NTRK3: variants seen among roughly 807,000 people sequenced by gnomAD.
NTRK3 encodes NT-3 growth factor receptor.
A neutral mutation model predicts 91.7 loss-of-function variants in NTRK3; 24 were observed. That is an observed-to-expected ratio of 0.26 (90% CI 0.19 to 0.37). NTRK3 has a LOEUF of 0.37. Among genes scored for constraint, NTRK3 ranks in the 10% least tolerant of loss-of-function variants. NTRK3 has a pLI of 1.00. For missense variants in NTRK3, 880 were observed against 1,068.9 expected, an observed-to-expected ratio of 0.82 and a Z score of 2.46; for synonymous variants, 483 against 404.0, an observed-to-expected ratio of 1.20 and a Z score of -2.34.
At chr15:88,050,625 T>C (rs2080740233) in intron 13 of NTRK3, among the ~76,000 whole-genome samples, 1 of 152,198 alleles carries the variant, frequency 6.6e-6, no homozygotes, top group Admixed American at 6.5e-5. Flanking sequence ...GATCAGGCTA[T>C]GCTTTCCTGT....
At chr15:88,061,869 T>C (rs1298931606) in intron 13 of NTRK3, among the ~76,000 whole-genome samples, 1 of 152,188 alleles carries the variant, frequency 6.6e-6, no homozygotes, top group Non-Finnish European at 1.5e-5. Flanking sequence ...TGGCCTCAGT[T>C]TCCTTTCTGA....
exon 19 of NTRK3, chr15:87,876,363 C>G (rs1342459836): frequency 8.7e-6 from 2 of 230,044 alleles, no homozygotes; most frequent in Non-Finnish European, 1.7e-5. Flanking sequence ...GGACCCTGCT[C>G]AGGCATCATT....
chr15:88,189,887 G>T (rs1488084099), intron 3 of NTRK3, among the ~76,000 whole-genome samples: 2 of 152,180 alleles, frequency 1.3e-5, no homozygotes, highest in Non-Finnish European at 2.9e-5. Flanking sequence ...AATATGTCAT[G>T]TGGATATGTT....
intron 3 of NTRK3, among the ~76,000 whole-genome samples, chr15:88,246,074 C>G (rs2052788128): frequency 6.6e-6 from 1 of 152,188 alleles, no homozygotes; most frequent in South Asian, 2.1e-4. Flanking sequence ...GGCCCCAGAC[C>G]AGAGAGCTCC....
At chr15:88,114,299 T>TA (rs752539229) in intron 13 of NTRK3, among the ~76,000 whole-genome samples, 36 of 152,010 alleles carry the variant, frequency 2.4e-4, no homozygotes, top group Admixed American at 1.2e-3. Flanking sequence ...AAAGATGAAA[T>TA]TAAAAAAATC....
At chr15:88,107,067 T>C (rs1489720300) in intron 13 of NTRK3, among the ~76,000 whole-genome samples, 2 of 152,090 alleles carry the variant, frequency 1.3e-5, no homozygotes, top group Non-Finnish European at 2.9e-5. Flanking sequence ...ACAGTGGTCA[T>C]TTCTGAATAA....
At chr15:88,131,895 G>A (rs2041391051) in intron 10 of NTRK3, 1 of 191,328 alleles carries the variant, frequency 5.2e-6, no homozygotes. Context: ...CCTCACCTCT[G>A]ACTGCACCAG....
chr15:87,868,514 G>T, exon 19 of NTRK3: 1 of 219,342 alleles, frequency 4.6e-6, no homozygotes, highest in Non-Finnish European at 9.1e-6. Context: ...AGAGAAAATT[G>T]TTATCCAGAC....
At chr15:88,115,864 G>A (rs560722684) in intron 13 of NTRK3, among the ~76,000 whole-genome samples, 46 of 152,090 alleles carry the variant, frequency 3.0e-4, no homozygotes, top group African/African-American at 1.1e-3. Context: ...GGCTTCCTCC[G>A]CCCACCGACA....
intron 3 of NTRK3, among the ~76,000 whole-genome samples, chr15:88,246,732 A>T (rs1268998033): frequency 6.6e-6 from 1 of 152,174 alleles, no homozygotes; most frequent in East Asian, 1.9e-4. Context: ...CCTCCTTCCC[A>T]GGAAGCCAAA....
At chr15:88,105,250 T>G (rs2050579121) in intron 13 of NTRK3, among the ~76,000 whole-genome samples, 1 of 152,168 alleles carries the variant, frequency 6.6e-6, no homozygotes, top group Non-Finnish European at 1.5e-5. Flanking sequence ...TCTGCAGCTC[T>G]CCTAGGTGCT....
In NTRK3 at chr15:88,129,729, T is replaced by C. The variant is rs1413313262; in HGVS notation, c.1205-995A>G. Among the ~76,000 whole-genome samples the C allele has an allele frequency of 3.3e-5, 5 of 152,190 alleles. No homozygotes were observed. In the East Asian group the frequency reaches 9.6e-4, roughly 29 times the overall value. ...CCTGGAGACAGGGCACAGGAGCCAA[T>C]GTACAGGGGATCTCAATAGCCAAAT... On this transcript the variant is annotated intron_variant, in intron 10 of 18. Transcript: ENST00000394480.
At chr15:88,231,826 G>T (rs142596162) in intron 3 of NTRK3, among the ~76,000 whole-genome samples, 19 of 152,318 alleles carry the variant, frequency 1.2e-4, no homozygotes, top group African/African-American at 4.6e-4. Context: ...ATCCATCAGA[G>T]TAGGGGGGAT....
intron 3 of NTRK3, among the ~76,000 whole-genome samples, chr15:88,204,136 G>C (rs1354625248): frequency 1.3e-5 from 2 of 152,242 alleles, no homozygotes; most frequent in East Asian, 1.9e-4. Context: ...GTGGTGTCTG[G>C]TTTTCTGTTC....
rs764924383 is a variant in NTRK3, at chr15:88,147,332, T to C, written c.464+3A>G. ...CCTGGACAGTCTTCAAAACCAAACT[T>C]ACAATTCCCGAAGACTCAGCGTCTG... On this transcript the variant is annotated splice_donor_region_variant and intron_variant, in intron 6 of 18. Transcript: ENST00000394480. 1 of 1,613,298 alleles carries C rather than the reference T, an allele frequency of 6.2e-7. No homozygotes were observed. The highest frequency in any genetic ancestry group is 8.5e-7 in the Non-Finnish European group (1 of 1,179,438).
chr15:88,050,486 C>CGTGTGTGTGTGTGTGT (rs55943475), intron 13 of NTRK3, among the ~76,000 whole-genome samples: 19 of 144,172 alleles, frequency 1.3e-4, no homozygotes, highest in African/African-American at 4.3e-4. Context: ...CAATATATAC[C>CGTGTGTGTGTGTGTGT]GTGTGTGTGT....
chr15:88,055,429 C>T (rs2045592585), intron 13 of NTRK3, among the ~76,000 whole-genome samples: 1 of 152,124 alleles, frequency 6.6e-6, no homozygotes, highest in Non-Finnish European at 1.5e-5. Context: ...TTCATATGAA[C>T]AATCAAATAA....
At chr15:88,064,342 A>G (rs907900466) in intron 13 of NTRK3, among the ~76,000 whole-genome samples, 4 of 152,288 alleles carry the variant, frequency 2.6e-5, no homozygotes, top group Admixed American at 2.6e-4. Context: ...ATCTAATACC[A>G]TCACCTAGAG....
chr15:87,875,654 G>T (rs776202049), exon 19 of NTRK3: 1 of 232,644 alleles, frequency 4.3e-6, no homozygotes, highest in Admixed American at 5.6e-5. Context: ...GGAAACGTGA[G>T]GAGAATGCCA....
Sources: gnomAD v4.1 joint callset for allele counts (sites outside exome capture counted in the v4.1 genomes callset) on GRCh38, gnomAD v4.1.1 for gene constraint, MANE v1.5 for transcripts, NCBI Gene and HGNC (gene_info 2026-07-23, HGNC 2026-07-21) for gene names.